Variants in SNX13 observed in about 807,000 individuals in gnomAD.
SNX13 encodes the protein sorting nexin-13.
In SNX13, 45 loss-of-function variants were observed where a neutral mutation model predicts 133.6. The ratio of observed to expected loss-of-function variants is 0.34; its 90% CI spans 0.27 to 0.43. The LOEUF is 0.43. Among genes scored for constraint, SNX13 ranks in the 20% least tolerant of loss-of-function variants. The probability of loss-of-function intolerance (pLI) is 1.00; values close to 1 mark genes in which losing one functional copy is unlikely to be tolerated. For missense variants in SNX13, 1,032 were observed against 1,145.1 expected (o/e 0.90, Z 1.43); for synonymous variants, 414 against 373.9 (o/e 1.11, Z -1.24).
chr7:17,803,415 T>G lies in SNX13; in HGVS notation c.2226+4A>C, dbSNP rs1332955299. The G allele has an allele frequency of 6.2e-7, 1 of 1,601,224 alleles. No individual in the cohort carries two copies. The highest frequency in any genetic ancestry group is 8.5e-7 in the Non-Finnish European group (1 of 1,173,720). ...TTTAGACATTACTGAAAATGTCTTC[T>G]TACCTTAAAAAATGATTGCTTTATG... is the stretch of plus-strand genomic sequence containing the variant. On this transcript the variant is annotated splice_donor_region_variant and intron_variant, in intron 21 of 25. Transcript: ENST00000428135.
chr7:17,819,906 C>G (rs1022252730), intron 18 of SNX13, among the ~76,000 whole-genome samples: 1 of 152,002 alleles, frequency 6.6e-6, no homozygotes, highest in Non-Finnish European at 1.5e-5. Context: ...CACACACACA[C>G]ACACACACAA....
At chr7:17,879,124 A>G (rs1795063118) in intron 5 of SNX13, among the ~76,000 whole-genome samples, 1 of 152,120 alleles carries the variant, frequency 6.6e-6, no homozygotes. Context: ...CTTACAACCT[A>G]CAGTTGAATT....
At chr7:17,856,539 T>A (rs1162373894) in intron 9 of SNX13, among the ~76,000 whole-genome samples, 1 of 152,028 alleles carries the variant, frequency 6.6e-6, no homozygotes, top group African/African-American at 2.4e-5. Context: ...ACACTTGTAA[T>A]CCCAGCACTT....
intron 5 of SNX13, chr7:17,880,769 TTTG>T (rs1354476325): frequency 1.3e-5 from 2 of 152,082 alleles, no homozygotes; most frequent in African/African-American, 4.8e-5. Flanking sequence ...AGCTTAAAAT[TTTG>T]TTGACGAGAA....
intron 2 of SNX13, among the ~76,000 whole-genome samples, chr7:17,894,509 T>C (rs1796994665): frequency 1.3e-5 from 2 of 152,112 alleles, no homozygotes; most frequent in Admixed American, 1.3e-4. Context: ...TAATCTATGA[T>C]TTGTTTAAAA....
At position 17,822,621 on chromosome 7, in the gene SNX13, G is replaced by T. The variant is rs992751936; in HGVS notation, c.1706-973C>A. 2.6e-5 allele frequency among the ~76,000 whole-genome samples: 4 copies of T among 152,092 alleles called. No homozygotes were observed. The South Asian group carries it at 6.2e-4, about 24-fold the overall frequency. On this transcript the variant is annotated intron_variant, in intron 17 of 25. Transcript: ENST00000428135. Reference sequence around the variant, plus strand: ...TTCACAGGATGCAAATTATCTGCTGGTTCTGTTGGCTTTCTCTTATTGTGG... The same window carrying T: ...TTCACAGGATGCAAATTATCTGCTGTTTCTGTTGGCTTTCTCTTATTGTGG...
chr7:17,910,377 CA>C (rs1798833554), intron 1 of SNX13, among the ~76,000 whole-genome samples: 1 of 152,132 alleles, frequency 6.6e-6, no homozygotes, highest in Non-Finnish European at 1.5e-5. Flanking sequence ...GTTCGTACCT[CA>C]AACAAAACGA....
Position 17,870,035 on chromosome 7 carries a change from G to A in SNX13, c.754-1545C>T, listed in dbSNP as rs546738302. ...AAACTTCTAATCTGTCACATTAAAGGGTTTGGTTAGTCAAGGGCTAGTCAT... is the reference window on the plus strand; with the variant it reads ...AAACTTCTAATCTGTCACATTAAAGAGTTTGGTTAGTCAAGGGCTAGTCAT... On this transcript the variant is annotated intron_variant, in intron 8 of 25. Transcript: ENST00000428135. 2.6e-5 allele frequency among the ~76,000 whole-genome samples: 4 copies of A among 152,066 alleles called. No homozygotes were observed. The East Asian group carries it at 7.7e-4, about 29-fold the overall frequency.
intron 9 of SNX13, among the ~76,000 whole-genome samples, chr7:17,856,707 A>G (rs987022539): frequency 6.6e-6 from 1 of 151,004 alleles, no homozygotes; most frequent in East Asian, 1.9e-4. Context: ...TGGGAGGATC[A>G]CATGAGCCTG....
chr7:17,931,437 T>C (rs1420954044), intron 1 of SNX13, among the ~76,000 whole-genome samples: 1 of 152,252 alleles, frequency 6.6e-6, no homozygotes, highest in East Asian at 1.9e-4. Context: ...ACTTCAGTTT[T>C]ATAATTTCCA....
intron 1 of SNX13, among the ~76,000 whole-genome samples, chr7:17,923,969 A>G (rs757364732): frequency 2.6e-5 from 4 of 152,220 alleles, no homozygotes; most frequent in Non-Finnish European, 5.9e-5. Flanking sequence ...ATTTATTCAA[A>G]ACTCAATTTG....
chr7:17,868,493 G>GAA lies in SNX13; in HGVS notation c.754-5_754-4dup. The GAA allele has an allele frequency of 6.3e-7, 1 of 1,582,388 alleles. No homozygotes were observed. Among genetic ancestry groups the GAA allele is most frequent in the South Asian group, 1.1e-5 (1 of 87,038 alleles). On this transcript the variant is annotated splice_region_variant and splice_polypyrimidine_tract_variant and intron_variant, in intron 8 of 25. Transcript: ENST00000428135. The stretch of plus-strand genomic sequence containing the variant: ...AGAATTCCTCGTGCAAGGATTTCCT[G>GAA]AAAAAAAAGTAAATAACAAAAACAA...
intron 5 of SNX13, among the ~76,000 whole-genome samples, chr7:17,886,958 C>A (rs1017127182): frequency 6.7e-6 from 1 of 150,226 alleles, no homozygotes; most frequent in African/African-American, 2.5e-5. Flanking sequence ...CCCTCTCCAC[C>A]TCCCTTGCTC....
At chr7:17,871,092 G>A (rs192969756) in intron 8 of SNX13, among the ~76,000 whole-genome samples, 3 of 151,416 alleles carry the variant, frequency 2.0e-5, no homozygotes, top group South Asian at 2.1e-4. Flanking sequence ...TGCAAGCTCC[G>A]CCTCCCGGGT....
intron 15 of SNX13, chr7:17,832,203 T>C (rs1465544486): frequency 2.0e-6 from 2 of 984,530 alleles, no homozygotes; most frequent in African/African-American, 3.5e-5. Context: ...GTACTTCGTG[T>C]TTTAAAAAAG....
At chr7:17,932,076 A>G (rs1801446857) in intron 1 of SNX13, among the ~76,000 whole-genome samples, 1 of 152,232 alleles carries the variant, frequency 6.6e-6, no homozygotes, top group African/African-American at 2.4e-5. Context: ...ATACAAATTG[A>G]AACAGTCAAC....
chr7:17,797,044 A>C (rs950153407), intron 24 of SNX13, 105 bp from the exon 25 acceptor site: 2 of 864,270 alleles, frequency 2.3e-6, no homozygotes, highest in Non-Finnish European at 3.6e-6. Context: ...TGTGAACAGA[A>C]AGAAAAGTTT....
At chr7:17,936,878 ATATTAAACAAGTAACTTTCATG>A (rs1362537683) in intron 1 of SNX13, among the ~76,000 whole-genome samples, 1 of 151,696 alleles carries the variant, frequency 6.6e-6, no homozygotes, top group Admixed American at 6.6e-5. Context: ...TGAGGAGTGA[ATATTAAACAAGTAACTTTCATG>A]TACACTATGA....
At chr7:17,828,789 C>G (rs1310764429) in intron 16 of SNX13, among the ~76,000 whole-genome samples, 1 of 151,226 alleles carries the variant, frequency 6.6e-6, no homozygotes, top group African/African-American at 2.4e-5. Flanking sequence ...GCATTTATTC[C>G]AGACATGGAA....
Sources: allele counts gnomAD v4.1 joint callset (sites outside exome capture counted in the v4.1 genomes callset), GRCh38; gene constraint gnomAD v4.1.1; transcripts MANE v1.5; gene names NCBI Gene and HGNC (gene_info 2026-07-23, HGNC 2026-07-21).